Variants in FZD6 observed in about 807,000 individuals in gnomAD.
The protein encoded by FZD6 is frizzled-6.
FZD6 carries 49 observed loss-of-function variants against 61.4 expected under a neutral mutation model. The observed-to-expected ratio is 0.80, with a 90% CI of 0.63 to 1.01. The LOEUF (loss-of-function observed/expected upper bound fraction) is 1.01. Among genes scored for constraint, FZD6 ranks in the 50% least tolerant of loss-of-function variants. FZD6 has a pLI of 0.00. For missense variants in FZD6, 724 were observed against 848.2 expected (o/e 0.85, Z 1.82); for synonymous variants, 265 against 292.2 (o/e 0.91, Z 0.95).
intron 2 of FZD6, among the ~76,000 whole-genome samples, chr8:103,300,721 T>A (rs1226788267): frequency 6.6e-6 from 1 of 152,196 alleles, no homozygotes; most frequent in East Asian, 1.9e-4. Flanking sequence ...TTTTCTGAAA[T>A]AAATAAATTA....
rs1456980766 is a variant in FZD6 at position 103,330,048 on chromosome 8, T to A, written c.1935T>A (p.Ser645Arg). Residue 645 changes from serine (S) to arginine (R), a missense_variant, in exon 6 of 7, where the codon AGT becomes AGA. Ser to Arg is a moderately radical substitution (Grantham distance 110). Coordinates refer to ENST00000358755, the MANE Select transcript of FZD6 (RefSeq NM_003506.4). ...GKGQAGSVSE[S>R]ARSEGRISPK... ...GCCAGGCAGGCAGTGTATCTGAAAG[T>A]GCGCGGAGTGAAGGAAGGTGAGATT... 2 of 1,614,032 alleles carry A rather than the reference T, an allele frequency of 1.2e-6. No homozygotes were observed.
intron 2 of FZD6, among the ~76,000 whole-genome samples, chr8:103,309,465 G>A (rs1276736559): frequency 6.6e-6 from 1 of 152,162 alleles, no homozygotes; most frequent in Non-Finnish European, 1.5e-5. Context: ...ATGAGCAGGT[G>A]GTAGGAACTG....
intron 2 of FZD6, among the ~76,000 whole-genome samples, chr8:103,305,184 G>A (rs1480815167): frequency 6.6e-6 from 1 of 152,154 alleles, no homozygotes; most frequent in East Asian, 1.9e-4. Context: ...ACTGATCTAG[G>A]GAAAATGGAA....
intron 2 of FZD6, among the ~76,000 whole-genome samples, chr8:103,304,707 G>A (rs887598961): frequency 5.3e-5 from 8 of 152,264 alleles, no homozygotes; most frequent in Middle Eastern, 3.4e-3. Context: ...TTTGGCCCAG[G>A]GGCTACAGTT....
chr8:103,323,679 C>T (rs1200150580), intron 3 of FZD6, among the ~76,000 whole-genome samples: 1 of 152,158 alleles, frequency 6.6e-6, no homozygotes, highest in East Asian at 1.9e-4. Context: ...TATCCACCTG[C>T]CTCAGCCTCC....
chr8:103,301,146 T>G lies in FZD6; in HGVS notation c.177+862T>G, dbSNP rs78261925. Among the ~76,000 whole-genome samples, 999 of 152,314 alleles carry G rather than the reference T, an allele frequency of 6.6e-3. 16 individuals carry two copies. The highest frequency in any genetic ancestry group is 0.022 in the African/African-American group (918 of 41,564). ...TTAATATATATACTATTTTTAAAAT[T>G]GATTAGATTTGATTTTGCAGCTTTG... On this transcript the variant is annotated intron_variant, in intron 2 of 6. Coordinates refer to ENST00000358755, the MANE Select transcript of FZD6 (RefSeq NM_003506.4).
In FZD6 at chr8:103,324,912, T is replaced by C; in HGVS notation, c.806T>C (p.Leu269Pro). Reference sequence around the variant, plus strand: ...AATAAGGCAGATGAGAAGCTAGAACTTGGTGACACTGTTGTCCTAGGCTCT... The same window carrying C: ...AATAAGGCAGATGAGAAGCTAGAACCTGGTGACACTGTTGTCCTAGGCTCT... ...ACNKADEKLE[L>P]GDTVVLGSQN... The change falls in exon 4 of 7, where the codon CTT becomes CCT. Residue 269 changes from leucine (L) to proline (P), a missense_variant. Leu to Pro is a moderately conservative substitution (Grantham distance 98, BLOSUM62 -3). Coordinates refer to ENST00000358755, the MANE Select transcript of FZD6 (RefSeq NM_003506.4). The C allele has an allele frequency of 6.2e-7, 1 of 1,614,068 alleles. No individual in the cohort carries two copies. Among genetic ancestry groups the C allele is most frequent in the Non-Finnish European group, 8.5e-7 (1 of 1,179,914 alleles).
chr8:103,325,244 T>A lies in FZD6; in HGVS notation c.1138T>A (p.Phe380Ile). The A allele has an allele frequency of 6.2e-7, 1 of 1,614,186 alleles. No individual in the cohort carries two copies. Residue 380 changes from phenylalanine (F) to isoleucine (I), a missense_variant, in exon 4 of 7, where the codon TTT (phenylalanine) becomes ATT (isoleucine). Coordinates refer to ENST00000358755, the MANE Select transcript of FZD6 (RefSeq NM_003506.4). Reference protein sequence around the residue: ...FVLLPLCLCVFVGLSLLLAGI... With the variant: ...FVLLPLCLCVIVGLSLLLAGI... The stretch of plus-strand genomic sequence containing the variant: ...ACTCTTGCCACTGTGCCTTTGTGTG[T>A]TTGTTGGGCTCTCTCTTCTTTTAGC...
At chr8:103,308,464 C>T (rs1378883060) in intron 2 of FZD6, among the ~76,000 whole-genome samples, 1 of 152,090 alleles carries the variant, frequency 6.6e-6, no homozygotes, top group Non-Finnish European at 1.5e-5. Flanking sequence ...CTACTGATAA[C>T]ATAGACAGTG....
intron 2 of FZD6, among the ~76,000 whole-genome samples, chr8:103,305,623 A>C (rs1210375231): frequency 6.6e-6 from 1 of 152,256 alleles, no homozygotes; most frequent in Non-Finnish European, 1.5e-5. Context: ...AACTGTAGCT[A>C]TTCTGAAAGT....
At chr8:103,310,633 A>G (rs1200209111) in intron 2 of FZD6, among the ~76,000 whole-genome samples, 1 of 152,074 alleles carries the variant, frequency 6.6e-6, no homozygotes, top group Non-Finnish European at 1.5e-5. Context: ...TCCTAAACCA[A>G]GCAGTACCAT....
In FZD6 at chr8:103,328,306, G is replaced by C; in HGVS notation, c.1431G>C (p.Met477Ile). ...AKARPELALFMIKYLMTLIVG... is the reference protein window; with the variant it reads ...AKARPELALFIIKYLMTLIVG... Reference sequence around the variant, plus strand: ...CTCGACCAGAATTGGCTTTATTTATGATAAAATACCTGATGACATTAATTG... The same window carrying C: ...CTCGACCAGAATTGGCTTTATTTATCATAAAATACCTGATGACATTAATTG... The change falls in exon 5 of 7, where the codon ATG (methionine) becomes ATC (isoleucine). Residue 477 changes from methionine to isoleucine, a missense_variant. Transcript: ENST00000358755. 2 of 1,611,456 alleles carry C rather than the reference G, an allele frequency of 1.2e-6. No individual in the cohort carries two copies. Among genetic ancestry groups the C allele is most frequent in the East Asian group, 4.5e-5 (2 of 44,810 alleles).
intron 2 of FZD6, among the ~76,000 whole-genome samples, chr8:103,315,361 T>C (rs1288528057): frequency 6.6e-6 from 1 of 152,212 alleles, no homozygotes; most frequent in Non-Finnish European, 1.5e-5. Context: ...CTTCAGACTG[T>C]CCATCAACTG....
intron 2 of FZD6, among the ~76,000 whole-genome samples, chr8:103,308,763 AG>A (rs1293574316): frequency 6.6e-6 from 1 of 152,200 alleles, no homozygotes; most frequent in Non-Finnish European, 1.5e-5. Context: ...CATCATGAGT[AG>A]GTGAGTTCAG....
At chr8:103,322,822 T>TAGGATGCAGGATGC (rs1814829690) in intron 3 of FZD6, among the ~76,000 whole-genome samples, 1 of 152,196 alleles carries the variant, frequency 6.6e-6, no homozygotes, top group Non-Finnish European at 1.5e-5. Flanking sequence ...CCCTGCATCC[T>TAGGATGCAGGATGC]AGGAAATCCC....
rs1187447834 is a variant in FZD6 at position 103,332,739 on chromosome 8, C to A, written c.*1230C>A. The A allele has an allele frequency of 1.3e-5, 2 of 152,550 alleles. No individual in the cohort carries two copies. The highest frequency in any genetic ancestry group is 4.8e-5 in the African/African-American group (2 of 41,418). 9.4% of individuals were successfully genotyped at this position (152,550 alleles called of 1,614,324 possible). On this transcript the variant is annotated 3_prime_UTR_variant, in exon 7 of 7. Transcript: ENST00000358755. The stretch of plus-strand genomic sequence containing the variant: ...CTCTATTTAGCATTCTGTTAAGGCA[C>A]AAAAACTATGTACTGTATGGGAAAT...
In FZD6 at chr8:103,325,060, A is replaced by T; in HGVS notation, c.954A>T (p.Glu318Asp). The T allele has an allele frequency of 6.2e-7, 1 of 1,614,202 alleles. No individual in the cohort carries two copies. The highest frequency in any genetic ancestry group is 8.5e-7 in the Non-Finnish European group (1 of 1,180,026). The change falls in exon 4 of 7, where the codon GAA (glutamate) becomes GAT (aspartate). Residue 318 changes from glutamate to aspartate, a missense_variant. By Grantham distance (45) the Glu-to-Asp change is conservative. Coordinates refer to ENST00000358755, the MANE Select transcript of FZD6 (RefSeq NM_003506.4). ...CTGCAGGAAGAAAATGGAGTTGTGAAGCCATCGAGCAAAAAGCAGTGTGGT... is the reference window on the plus strand; with the variant it reads ...CTGCAGGAAGAAAATGGAGTTGTGATGCCATCGAGCAAAAAGCAGTGTGGT... ...FLAAGRKWSC[E>D]AIEQKAVWFH...
At chr8:103,319,254 C>G (rs1002209696) in intron 3 of FZD6, among the ~76,000 whole-genome samples, 19 of 151,940 alleles carry the variant, frequency 1.3e-4, no homozygotes, top group Non-Finnish European at 1.2e-4. Context: ...CTGCAGGGCC[C>G]CTGAACAGGG....
At chr8:103,317,133 C>T (rs1366893313) in intron 2 of FZD6, among the ~76,000 whole-genome samples, 1 of 152,172 alleles carries the variant, frequency 6.6e-6, no homozygotes, top group Non-Finnish European at 1.5e-5. Context: ...AGTGGAGACT[C>T]AAATGAGGGC....
Sources: allele counts gnomAD v4.1 joint callset (sites outside exome capture counted in the v4.1 genomes callset), GRCh38; gene constraint gnomAD v4.1.1; transcripts MANE v1.5; gene names NCBI Gene and HGNC (gene_info 2026-07-23, HGNC 2026-07-21).